Variants in CORO2A observed in about 807,000 individuals in gnomAD.
CORO2A encodes the protein coronin 2A.
Under a neutral mutation model 62.4 loss-of-function variants are expected in CORO2A, and 47 were observed. That is an observed-to-expected ratio of 0.75 (90% CI 0.60 to 0.96). CORO2A has a LOEUF of 0.96. CORO2A is among the 40% of genes least tolerant of loss of function. CORO2A has a pLI of 0.00. For synonymous variants in CORO2A, 273 were observed against 268.9 expected (o/e 1.02, Z -0.15); for missense variants, 610 against 684.1 (o/e 0.89, Z 1.21).
intron 7 of CORO2A, among the ~76,000 whole-genome samples, chr9:98,130,138 G>A (rs1327708420): frequency 6.6e-6 from 1 of 152,080 alleles, no homozygotes; most frequent in Non-Finnish European, 1.5e-5. Flanking sequence ...CCAGGCTGGA[G>A]AGCAGTAGTG....
chr9:98,158,209 G>A (rs1827833377), intron 1 of CORO2A, among the ~76,000 whole-genome samples: 1 of 152,188 alleles, frequency 6.6e-6, no homozygotes, highest in Non-Finnish European at 1.5e-5. Context: ...ATTTTGGGAG[G>A]CCAAGGCAGG....
Position 98,171,841 on chromosome 9 carries a change from G to A in CORO2A, c.1-14181C>T, listed in dbSNP as rs184495670. Among the ~76,000 whole-genome samples the A allele has an allele frequency of 3.8e-3, 580 of 152,160 alleles. 1 individual carries two copies. The highest frequency in any genetic ancestry group is 0.012 in the South Asian group (60 of 4,824). On this transcript the variant is annotated intron_variant, in intron 1 of 11. Coordinates refer to ENST00000375077, the MANE Select transcript of CORO2A (RefSeq NM_052820.4). The stretch of plus-strand genomic sequence containing the variant: ...AGAGGTGCTGGGGGCGCAGTGCTGA[G>A]GAGGGGGCACCTGAGACAGTGGGGA...
intron 3 of CORO2A, among the ~76,000 whole-genome samples, chr9:98,135,904 C>T (rs1328691331): frequency 6.6e-6 from 1 of 152,172 alleles, no homozygotes; most frequent in African/African-American, 2.4e-5. Flanking sequence ...GGGAGGAAGA[C>T]ACACTCTGAA....
At chr9:98,129,933 G>GAT in intron 7 of CORO2A, 43 bp from the exon 8 acceptor site, 1 of 1,513,000 alleles carries the variant, frequency 6.6e-7, no homozygotes, top group Non-Finnish European at 9.2e-7. Flanking sequence ...ATTCAGAGCT[G>GAT]GAGCTCATCA....
Position 98,130,907 on chromosome 9 carries a change from G to A in CORO2A, c.870+48C>T, listed in dbSNP as rs778954317. 48 of 1,484,760 alleles carry A rather than the reference G, an allele frequency of 3.2e-5. 1 individual carries two copies. The highest frequency in any genetic ancestry group is 7.0e-5 in the Admixed American group (4 of 57,068). 92.0% of individuals were successfully genotyped at this position (1,484,760 alleles called of 1,614,324 possible). A position where few individuals can be genotyped will look rare whatever the true frequency, so the allele number is the denominator to read the frequency against. On this transcript the variant is annotated intron_variant, in intron 7 of 11. Coordinates refer to ENST00000375077, the MANE Select transcript of CORO2A (RefSeq NM_052820.4). ...CAATGGCCCCAGGCTGCTGTCTGCCGCTGTCTCAGGGGTCCAGGAGGTCAC... is the reference window on the plus strand; with the variant it reads ...CAATGGCCCCAGGCTGCTGTCTGCCACTGTCTCAGGGGTCCAGGAGGTCAC...
chr9:98,176,513 C>T (rs575534726), intron 1 of CORO2A, among the ~76,000 whole-genome samples: 121 of 152,252 alleles, frequency 7.9e-4, no homozygotes, highest in Admixed American at 1.7e-3. Context: ...CCTGGAGCCC[C>T]GCCAGCCACA....
intron 2 of CORO2A, among the ~76,000 whole-genome samples, chr9:98,156,981 C>A (rs974645277): frequency 1.3e-5 from 2 of 152,244 alleles, no homozygotes; most frequent in Middle Eastern, 3.4e-3. Flanking sequence ...GGGGTCAAAC[C>A]AGTTGAATAT....
chr9:98,173,050 A>T (rs1245824001), intron 1 of CORO2A, among the ~76,000 whole-genome samples: 1 of 152,202 alleles, frequency 6.6e-6, no homozygotes, highest in Non-Finnish European at 1.5e-5. Context: ...TCACGCTTGT[A>T]ACCCAGCACT....
At chr9:98,149,716 C>T (rs1298522190) in intron 2 of CORO2A, among the ~76,000 whole-genome samples, 1 of 152,206 alleles carries the variant, frequency 6.6e-6, no homozygotes, top group African/African-American at 2.4e-5. Flanking sequence ...TGAGGCCCCA[C>T]CTCCAACACT....
At chr9:98,169,386 A>G (rs958266829) in intron 1 of CORO2A, among the ~76,000 whole-genome samples, 1 of 151,374 alleles carries the variant, frequency 6.6e-6, no homozygotes, top group African/African-American at 2.4e-5. Context: ...TGGGCGGGCC[A>G]CCTCCTCCTG....
intron 2 of CORO2A, among the ~76,000 whole-genome samples, chr9:98,154,342 T>C (rs958515666): frequency 2.4e-5 from 3 of 123,292 alleles, no homozygotes; most frequent in Non-Finnish European, 3.4e-5. Context: ...TATATATATA[T>C]ATATATATAT....
chr9:98,124,536 G>C lies in CORO2A; in HGVS notation c.*238C>G, dbSNP rs1460300495. On this transcript the variant is annotated 3_prime_UTR_variant, in exon 12 of 12. Coordinates refer to ENST00000375077, the MANE Select transcript of CORO2A (RefSeq NM_052820.4). ...AGCTCATCATGGGCCCTTAATAACA[G>C]AATTCAACAGAAGGCATCATCTGAA... The C allele has an allele frequency of 7.9e-6, 3 of 380,370 alleles. No individual in the cohort carries two copies. Among genetic ancestry groups the C allele is most frequent in the African/African-American group, 2.0e-5 (1 of 49,014 alleles). 23.6% of individuals were successfully genotyped at this position (380,370 alleles called of 1,614,324 possible). A position where few individuals can be genotyped will look rare whatever the true frequency, so the allele number is the denominator to read the frequency against.
intron 1 of CORO2A, among the ~76,000 whole-genome samples, chr9:98,191,536 G>C (rs183208033): frequency 5.3e-4 from 80 of 152,304 alleles, no homozygotes; most frequent in Non-Finnish European, 9.1e-4. Flanking sequence ...ACCAGCAGGA[G>C]AGGCAGTGAC....
intron 1 of CORO2A, among the ~76,000 whole-genome samples, chr9:98,162,769 A>G (rs886571160): frequency 1.1e-4 from 17 of 152,254 alleles, no homozygotes; most frequent in Non-Finnish European, 2.1e-4. Context: ...GTATATACAC[A>G]TGCATGAGCG....
At chr9:98,185,756 T>A (rs562016017) in intron 1 of CORO2A, among the ~76,000 whole-genome samples, 1 of 152,174 alleles carries the variant, frequency 6.6e-6, no homozygotes, top group East Asian at 1.9e-4. Context: ...TCTTACTTCA[T>A]CCTGTGGCTG....
intron 1 of CORO2A, among the ~76,000 whole-genome samples, chr9:98,170,453 T>C (rs1358907901): frequency 6.6e-6 from 1 of 152,170 alleles, no homozygotes; most frequent in African/African-American, 2.4e-5. Flanking sequence ...ATTGTTGTTG[T>C]TTTTTTGAAA....
In CORO2A at chr9:98,121,087, G is replaced by A. The variant is rs1827237149; in HGVS notation, c.*3687C>T. The A allele has an allele frequency of 6.6e-6, 1 of 152,066 alleles. No homozygotes were observed. The highest frequency in any genetic ancestry group is 1.5e-5 in the Non-Finnish European group (1 of 68,032). 9.4% of individuals were successfully genotyped at this position (152,066 alleles called of 1,614,324 possible). On this transcript the variant is annotated 3_prime_UTR_variant, in exon 12 of 12. Transcript: ENST00000375077. The stretch of plus-strand genomic sequence containing the variant: ...ATCATTATTTTTCACAAAGGTACAA[G>A]GAATTTCAGAAACAACATTAAAACA...
At chr9:98,133,580 T>C (rs771378299) in intron 4 of CORO2A, among the ~76,000 whole-genome samples, 57 of 152,166 alleles carry the variant, frequency 3.7e-4, no homozygotes, top group Non-Finnish European at 7.5e-4. Context: ...AGGCTGTGCA[T>C]GCAGAGGTCC....
chr9:98,121,669 G>T lies in CORO2A; in HGVS notation c.*3105C>A. 1 of 152,284 alleles carries T rather than the reference G, an allele frequency of 6.6e-6. No individual in the cohort carries two copies. Among genetic ancestry groups the T allele is most frequent in the East Asian group, 1.9e-4 (1 of 5,176 alleles). The allele number at this position is 152,284 out of a possible 1,614,324, so 9.4% of individuals were successfully genotyped here. A position where few individuals can be genotyped will look rare whatever the true frequency, so the allele number is the denominator to read the frequency against. On this transcript the variant is annotated 3_prime_UTR_variant, in exon 12 of 12. Transcript: ENST00000375077. ...CTCTGGATGCAACCCCACCTCTACC[G>T]CTTGGCAGTCAATGACCTTGGCATG...
Sources: allele counts gnomAD v4.1 joint callset (sites outside exome capture counted in the v4.1 genomes callset), GRCh38; gene constraint gnomAD v4.1.1; transcripts MANE v1.5; gene names NCBI Gene and HGNC (gene_info 2026-07-23, HGNC 2026-07-21).